CTIF: variants seen among roughly 807,000 people sequenced by gnomAD.
CTIF encodes CBP80/20-dependent translation initiation factor.
A neutral mutation model predicts 66.0 loss-of-function variants in CTIF; 21 were observed. The observed-to-expected ratio is 0.32, with a 90% CI of 0.23 to 0.46. CTIF has a LOEUF of 0.46. Among genes scored for constraint, CTIF ranks in the 20% least tolerant of loss-of-function variants. CTIF has a pLI of 1.00. For missense variants in CTIF, 739 were observed against 812.7 expected (o/e 0.91, Z 1.10); for synonymous variants, 345 against 326.4 (o/e 1.06, Z -0.62).
chr18:48,782,770 G>A (rs1454062983), intron 9 of CTIF, among the ~76,000 whole-genome samples: 6 of 152,152 alleles, frequency 3.9e-5, no homozygotes, highest in Non-Finnish European at 7.4e-5. Flanking sequence ...CTGAGTTGGC[G>A]GGGCCACACA....
intron 3 of CTIF, among the ~76,000 whole-genome samples, chr18:48,650,763 A>C (rs1282570120): frequency 6.6e-6 from 1 of 152,234 alleles, no homozygotes; most frequent in Non-Finnish European, 1.5e-5. Flanking sequence ...CCATCAGACT[A>C]ACAGCAGATC....
chr18:48,773,924 C>T (rs1910412417), intron 9 of CTIF, among the ~76,000 whole-genome samples: 1 of 152,182 alleles, frequency 6.6e-6, no homozygotes, highest in African/African-American at 2.4e-5. Flanking sequence ...GCAGGAATGC[C>T]ACACTTGGCC....
intron 1 of CTIF, among the ~76,000 whole-genome samples, chr18:48,540,842 C>T (rs1284875011): frequency 2.6e-5 from 4 of 152,118 alleles, no homozygotes; most frequent in Non-Finnish European, 4.4e-5. Flanking sequence ...GGTCGTGTGT[C>T]CCCGCGCGCG....
intron 7 of CTIF, among the ~76,000 whole-genome samples, chr18:48,719,057 T>C (rs759945250): frequency 6.6e-6 from 1 of 152,236 alleles, no homozygotes; most frequent in Non-Finnish European, 1.5e-5. Context: ...AATTCTACGC[T>C]GTCTGCCCCA....
intron 1 of CTIF, among the ~76,000 whole-genome samples, chr18:48,586,212 G>A (rs578022994): frequency 2.0e-5 from 3 of 151,906 alleles, no homozygotes; most frequent in Admixed American, 1.3e-4. Flanking sequence ...TTTCACTACC[G>A]TTAGCGGACA....
intron 1 of CTIF, among the ~76,000 whole-genome samples, chr18:48,579,614 C>G (rs2089610260): frequency 1.3e-5 from 2 of 152,196 alleles, no homozygotes; most frequent in Admixed American, 6.5e-5. Flanking sequence ...ATCTGCTAGC[C>G]TGCCTCAAAG....
chr18:48,620,569 G>C (rs1226780376), intron 2 of CTIF, among the ~76,000 whole-genome samples: 1 of 152,176 alleles, frequency 6.6e-6, no homozygotes, highest in Non-Finnish European at 1.5e-5. Context: ...TGGCAAATGG[G>C]AATTATGCTG....
intron 4 of CTIF, 138 bp from the exon 5 acceptor site, chr18:48,664,309 G>C: frequency 2.7e-6 from 2 of 730,044 alleles, no homozygotes; most frequent in Admixed American, 4.2e-5. Flanking sequence ...GCTCCATTCT[G>C]AGTGGGGCTC....
At chr18:48,714,329 A>G (rs554864698) in intron 7 of CTIF, among the ~76,000 whole-genome samples, 1 of 152,186 alleles carries the variant, frequency 6.6e-6, no homozygotes, top group African/African-American at 2.4e-5. Flanking sequence ...GACCAGAATC[A>G]GATTTGGTGG....
chr18:48,849,079 C>T (rs2069141631), intron 10 of CTIF, among the ~76,000 whole-genome samples: 1 of 152,162 alleles, frequency 6.6e-6, no homozygotes, highest in East Asian at 1.9e-4. Context: ...GGCCTCTGAC[C>T]CCCAGGTAGA....
chr18:48,783,422 A>T (rs1911427517), intron 9 of CTIF, among the ~76,000 whole-genome samples: 1 of 152,132 alleles, frequency 6.6e-6, no homozygotes, highest in African/African-American at 2.4e-5. Flanking sequence ...AAAAATGCTT[A>T]GCAAAATAAA....
At chr18:48,746,516 C>T (rs950868493) in intron 7 of CTIF, among the ~76,000 whole-genome samples, 2 of 151,180 alleles carry the variant, frequency 1.3e-5, no homozygotes, top group Non-Finnish European at 2.9e-5. Flanking sequence ...GGTGGCACCA[C>T]CTCTCTAGCT....
chr18:48,663,715 C>G, intron 3 of CTIF, 37 bp from the exon 4 acceptor site: 1 of 1,591,002 alleles, frequency 6.3e-7, no homozygotes, highest in Non-Finnish European at 8.6e-7. Flanking sequence ...CCTGGCCGAG[C>G]AATTAATGTC....
chr18:48,608,511 A>G (rs2090247210), intron 1 of CTIF, among the ~76,000 whole-genome samples: 1 of 152,090 alleles, frequency 6.6e-6, no homozygotes, highest in Admixed American at 6.5e-5. Context: ...CAGAAGCCCA[A>G]GGGCCCAGTG....
chr18:48,816,547 C>A (rs1275774996), intron 9 of CTIF, among the ~76,000 whole-genome samples: 1 of 152,158 alleles, frequency 6.6e-6, no homozygotes, highest in African/African-American at 2.4e-5. Flanking sequence ...GAACCCAGCT[C>A]CTTGGTTTTT....
At chr18:48,711,763 C>T in intron 7 of CTIF, 68 bp downstream of exon 7, 1 of 1,352,660 alleles carries the variant, frequency 7.4e-7, no homozygotes, top group Non-Finnish European at 1.1e-6. Context: ...GCGACGTCAG[C>T]TTTGGCCTGC....
chr18:48,653,174 AG>A (rs1255479846), intron 3 of CTIF, among the ~76,000 whole-genome samples: 2 of 152,372 alleles, frequency 1.3e-5, no homozygotes, highest in East Asian at 3.9e-4. Context: ...AATGAGGAAA[AG>A]AGGAAATCAA....
At chr18:48,599,348 A>G (rs116275810) in intron 1 of CTIF, among the ~76,000 whole-genome samples, 5,046 of 151,774 alleles carry the variant, frequency 0.033, 307 homozygotes, top group African/African-American at 0.12. Context: ...TTTCTTGTTC[A>G]TAAAAATGCC....
chr18:48,780,913 C>G (rs1416224436), intron 9 of CTIF, among the ~76,000 whole-genome samples: 1 of 152,214 alleles, frequency 6.6e-6, no homozygotes, highest in Non-Finnish European at 1.5e-5. Context: ...CTCCCTCTCT[C>G]CCTGGACTCC....
Sources: gnomAD v4.1 joint callset for allele counts (sites outside exome capture counted in the v4.1 genomes callset) on GRCh38, gnomAD v4.1.1 for gene constraint, MANE v1.5 for transcripts, NCBI Gene and HGNC (gene_info 2026-07-23, HGNC 2026-07-21) for gene names.